PARP14: variants seen among roughly 807,000 people sequenced by gnomAD.
PARP14 encodes the protein poly(ADP-ribose) polymerase family member 14.
PARP14 carries 59 observed loss-of-function variants against 154.2 expected under a neutral mutation model. The observed-to-expected ratio is 0.38, with a 90% CI of 0.31 to 0.48. The LOEUF is 0.48. PARP14 is among the 20% of genes least tolerant of loss of function. The probability of loss-of-function intolerance (pLI) is 0.98; values close to 1 mark genes in which losing one functional copy is unlikely to be tolerated. For synonymous variants in PARP14, 720 were observed against 780.5 expected (o/e 0.92, Z 1.29); for missense variants, 1,734 against 2,131.6 (o/e 0.81, Z 3.67).
rs947213950 is a variant in PARP14 at position 122,713,334 on chromosome 3, G to A, written c.3620-90G>A. On this transcript the variant is annotated intron_variant, in intron 9 of 16. Transcript: ENST00000474629. ...GTCACAGAAAGAGAGGGAGAGGGAA[G>A]ACATCCAAGAGGGTCCCATGTGAGC... The A allele has an allele frequency of 6.0e-6, 6 of 1,002,346 alleles. No individual in the cohort carries two copies. In the African/African-American group the frequency reaches 8.1e-5, roughly 14 times the overall value. The allele number at this position is 1,002,346 out of a possible 1,614,324, so 62.1% of individuals were successfully genotyped here. A position where few individuals can be genotyped will look rare whatever the true frequency, so the allele number is the denominator to read the frequency against.
intron 10 of PARP14, 125 bp from the exon 11 acceptor site, chr3:122,713,747 A>T: frequency 1.2e-6 from 1 of 864,058 alleles, no homozygotes; most frequent in Admixed American, 2.3e-5. Context: ...CTTCTTTGTC[A>T]TCAGCAATAC....
chr3:122,700,061 A>T lies in PARP14; in HGVS notation c.1507A>T (p.Arg503Ter). ...ECPEIEICYD[R>*]VTQHLCLKGP... ...CCCAGAGATAGAGATTTGTTACGAT[A>T]GAGTCACTCAACACTTGTGCTTGAA... The change falls in exon 6 of 17, where the codon AGA becomes TGA. Residue 503 changes from arginine (R) to a stop codon, truncating the protein, a stop_gained. Coordinates refer to ENST00000474629, the MANE Select transcript of PARP14 (RefSeq NM_017554.3). LOFTEE classifies it high-confidence loss of function. 1 of 1,613,904 alleles carries T rather than the reference A, an allele frequency of 6.2e-7. No individual in the cohort carries two copies. The highest frequency in any genetic ancestry group is 8.5e-7 in the Non-Finnish European group (1 of 1,179,794).
intron 15 of PARP14, chr3:122,722,544 T>A (rs1406938478): frequency 6.6e-6 from 1 of 152,148 alleles, no homozygotes; most frequent in East Asian, 1.9e-4. Flanking sequence ...AGTGAAACCT[T>A]TTTTTTCAAT....
In PARP14 at chr3:122,700,458, A is replaced by G. The variant is rs199647340; in HGVS notation, c.1904A>G (p.Asn635Ser). Residue 635 changes from asparagine to serine, a missense_variant, in exon 6 of 17, where the codon AAT becomes AGT. Coordinates refer to ENST00000474629, the MANE Select transcript of PARP14 (RefSeq NM_017554.3). ...QNSSPNTVIINELTSETTAEV... is the reference protein window; with the variant it reads ...QNSSPNTVIISELTSETTAEV... ...TCCTCCCCAAACACTGTAATCATCA[A>G]TGAGTTAACTTCAGAAACCACAGCT... 10 of 1,613,328 alleles carry G rather than the reference A, an allele frequency of 6.2e-6. No homozygotes were observed. Among genetic ancestry groups the G allele is most frequent in the Middle Eastern group, 1.7e-4 (1 of 6,060 alleles).
rs1443538474 is a variant in PARP14, at chr3:122,701,669, A to G, written c.3081+34A>G. 6.9e-7 allele frequency: 1 copy of G among 1,447,734 alleles called. No individual in the cohort carries two copies. The highest frequency in any genetic ancestry group is 1.3e-5 in the South Asian group (1 of 75,256). 89.7% of individuals were successfully genotyped at this position (1,447,734 alleles called of 1,614,324 possible). A position where few individuals can be genotyped will look rare whatever the true frequency, so the allele number is the denominator to read the frequency against. ...CGCTTTTACAGAACACCACCAGGGC[A>G]CTGTGACTTTACTTAGTCAGTGGCT... is the stretch of plus-strand genomic sequence containing the variant. On this transcript the variant is annotated intron_variant, in intron 6 of 16. Coordinates refer to ENST00000474629, the MANE Select transcript of PARP14 (RefSeq NM_017554.3). The surrounding 1 kb of genome is among the most constrained non-coding windows in gnomAD (Gnocchi z 4.0).
intron 1 of PARP14, among the ~76,000 whole-genome samples, chr3:122,684,523 C>G (rs1232422208): frequency 6.6e-6 from 1 of 152,172 alleles, no homozygotes; most frequent in Non-Finnish European, 1.5e-5. Context: ...AGTTGGAATT[C>G]AAATCCAGAT....
At position 122,727,947 on chromosome 3, in the gene PARP14, A is replaced by T. The variant is rs1247520142; in HGVS notation, c.5077A>T (p.Asn1693Tyr). Residue 1693 changes from asparagine to tyrosine, a missense_variant, in exon 16 of 17, where the codon AAT becomes TAT. By Grantham distance (143) the Asn-to-Tyr change is moderately radical. This residue lies in a region of PARP14 where 88 missense variants were observed against 155.6 expected (regional missense o/e 0.57). Coordinates refer to ENST00000474629, the MANE Select transcript of PARP14 (RefSeq NM_017554.3). ...GTDAGSVPHV[N>Y]RNGFNRSYAG... The stretch of plus-strand genomic sequence containing the variant: ...AGATGCCGGCTCCGTGCCACACGTC[A>T]ATCGAAATGGCTTTAACCGCAGCTA... The T allele has an allele frequency of 6.2e-7, 1 of 1,613,502 alleles. No homozygotes were observed. The highest frequency in any genetic ancestry group is 8.5e-7 in the Non-Finnish European group (1 of 1,179,674).
chr3:122,713,890 T>C lies in PARP14; in HGVS notation c.3788T>C (p.Leu1263Ser). 1.2e-6 allele frequency: 2 copies of C among 1,612,516 alleles called. No homozygotes were observed. The highest frequency in any genetic ancestry group is 1.7e-6 in the Non-Finnish European group (2 of 1,178,568). ...CATGTAGGGGTCTCCAAAGCAATTTTAGAATGTGCTGGACAAAATGTAGAA... is the reference window on the plus strand; with the variant it reads ...CATGTAGGGGTCTCCAAAGCAATTTCAGAATGTGCTGGACAAAATGTAGAA... ...NLKAGVSKAI[L>S]ECAGQNVERE... The change falls in exon 11 of 17, where the codon TTA (leucine) becomes TCA (serine). Residue 1263 changes from leucine (L) to serine (S), a missense_variant. Transcript: ENST00000474629.
At position 122,718,690 on chromosome 3, in the gene PARP14, G is replaced by A. The variant is rs372502538; in HGVS notation, c.4539G>A (p.Ala1513=). ...TGCAGGCTAGAGATGAAATTGAGGC[G>A]ATGATCAAGAGAGTTCGATTGGCCA... is the stretch of plus-strand genomic sequence containing the variant. ...DVMQARDEIE[A]MIKRVRLAKE... Residue 1513 remains alanine (A), a synonymous_variant, in exon 14 of 17, where the codon GCG becomes GCA. Transcript: ENST00000474629. The A allele has an allele frequency of 1.9e-5, 30 of 1,613,780 alleles. No homozygotes were observed. Among genetic ancestry groups the A allele is most frequent in the Middle Eastern group, 1.7e-4 (1 of 6,060 alleles).
At chr3:122,682,350 C>T (rs1938235142) in intron 1 of PARP14, among the ~76,000 whole-genome samples, 1 of 152,086 alleles carries the variant, frequency 6.6e-6, no homozygotes, top group Non-Finnish European at 1.5e-5. Context: ...GTCTGACCTG[C>T]ATCTGAATCA....
chr3:122,722,319 G>A (rs554342982), intron 15 of PARP14: 1 of 152,176 alleles, frequency 6.6e-6, no homozygotes, highest in African/African-American at 2.4e-5. Context: ...GCAGCTCTAT[G>A]ATGGTCTATT....
Position 122,703,738 on chromosome 3 carries a change from T to C in PARP14, c.3082-4T>C, listed in dbSNP as rs1227340602. On this transcript the variant is annotated splice_region_variant and splice_polypyrimidine_tract_variant and intron_variant, in intron 6 of 16. Transcript: ENST00000474629. ...TGAAACAAATTTTTGGTTTTGTCTT[T>C]AAGACCGATGTTGTTGTCAACTCCG... 2 of 1,569,448 alleles carry C rather than the reference T, an allele frequency of 1.3e-6. No individual in the cohort carries two copies. The highest frequency in any genetic ancestry group is 1.9e-5 in the Admixed American group (1 of 51,832).
intron 15 of PARP14, among the ~76,000 whole-genome samples, chr3:122,725,053 TAC>T (rs1335592813): frequency 6.6e-6 from 1 of 152,236 alleles, no homozygotes; most frequent in African/African-American, 2.4e-5. Flanking sequence ...TACTTCTTTC[TAC>T]ACAGACACAG....
chr3:122,728,772 ATTATC>A lies in PARP14; in HGVS notation c.*178_*182del, dbSNP rs1933350286. 3.4e-6 allele frequency: 2 copies of A among 590,070 alleles called. No homozygotes were observed. Among genetic ancestry groups the A allele is most frequent in the African/African-American group, 3.7e-5 (2 of 53,920 alleles). The allele number at this position is 590,070 out of a possible 1,614,324, so 36.6% of individuals were successfully genotyped here. ...TCCCTTTCATAATGGAAATGAACTT[ATTATC>A]TTGAGAGCAAATAACTTGGAAAATT... On this transcript the variant is annotated 3_prime_UTR_variant, in exon 17 of 17. Coordinates refer to ENST00000474629, the MANE Select transcript of PARP14 (RefSeq NM_017554.3).
rs778593542 is a variant in PARP14, at chr3:122,681,114, C to T, written c.187+44C>T. On this transcript the variant is annotated intron_variant, in intron 1 of 16. Coordinates refer to ENST00000474629, the MANE Select transcript of PARP14 (RefSeq NM_017554.3). The surrounding 1 kb of genome is among the most constrained non-coding windows in gnomAD (Gnocchi z 5.5). ...GGGGTGAGGAGGGGGCACCTCTGCC[C>T]TCCCTCCAGGGAAATGGCGGCAGGG... is the stretch of plus-strand genomic sequence containing the variant. The T allele has an allele frequency of 2.7e-6, 4 of 1,492,550 alleles. No homozygotes were observed. The highest frequency in any genetic ancestry group is 2.8e-6 in the Non-Finnish European group (3 of 1,076,274). The allele number at this position is 1,492,550 out of a possible 1,614,324, so 92.5% of individuals were successfully genotyped here.
At chr3:122,720,102 CTGT>C (rs1488789401) in intron 14 of PARP14, among the ~76,000 whole-genome samples, 150 bp from the exon 15 acceptor site, 1 of 152,200 alleles carries the variant, frequency 6.6e-6, no homozygotes, top group Non-Finnish European at 1.5e-5. Context: ...TGTAGGTTGT[CTGT>C]TGTTCATGCT....
At chr3:122,683,554 G>A (rs746071054) in intron 1 of PARP14, among the ~76,000 whole-genome samples, 14 of 152,192 alleles carry the variant, frequency 9.2e-5, no homozygotes, top group Non-Finnish European at 1.5e-4. Flanking sequence ...GTTCCTGGTT[G>A]TTGTCGGGTT....
At chr3:122,683,296 C>T (rs923884647) in intron 1 of PARP14, 120 of 984,716 alleles carry the variant, frequency 1.2e-4, no homozygotes, top group Non-Finnish European at 1.4e-4. Flanking sequence ...CAGGAAGTGG[C>T]CTCAACAGGT....
intron 9 of PARP14, among the ~76,000 whole-genome samples, chr3:122,711,703 C>A (rs1939323496): frequency 6.6e-6 from 1 of 152,146 alleles, no homozygotes; most frequent in South Asian, 2.1e-4. Context: ...GTGAATCCAC[C>A]TGGTCTGGGA....
Sources: gnomAD v4.1 joint callset for allele counts (sites outside exome capture counted in the v4.1 genomes callset) on GRCh38, gnomAD v4.1.1 for gene constraint, gnomAD v4.1.1 regional missense constraint, Gnocchi (gnomAD v3.1) non-coding constraint, MANE v1.5 for transcripts, NCBI Gene and HGNC (gene_info 2026-07-23, HGNC 2026-07-21) for gene names.